Variants in KIAA1958 observed in about 807,000 individuals in gnomAD.
KIAA1958 encodes the protein KIAA1958.
Under a neutral mutation model 47.2 loss-of-function variants are expected in KIAA1958, and 14 were observed. The observed-to-expected ratio is 0.30, with a 90% CI of 0.20 to 0.46. The LOEUF is 0.46. Among genes scored for constraint, KIAA1958 ranks in the 20% least tolerant of loss-of-function variants. KIAA1958 has a pLI of 1.00. For missense variants in KIAA1958, 803 were observed against 909.2 expected (o/e 0.88, Z 1.50); for synonymous variants, 354 against 353.3 (o/e 1.00, Z -0.02).
At chr9:112,492,935 T>TTTTA (rs1164374648) in intron 1 of KIAA1958, among the ~76,000 whole-genome samples, 2 of 149,522 alleles carry the variant, frequency 1.3e-5, no homozygotes, top group Non-Finnish European at 3.0e-5. Context: ...TTTTTTTTTT[T>TTTTA]TGTAGAGATG....
intron 2 of KIAA1958, among the ~76,000 whole-genome samples, chr9:112,578,184 C>G (rs1022987883): frequency 6.6e-6 from 1 of 152,028 alleles, no homozygotes; most frequent in African/African-American, 2.4e-5. Flanking sequence ...ATAAAATTTA[C>G]TTTTTACTTT....
chr9:112,598,277 G>A (rs538645581), intron 2 of KIAA1958, among the ~76,000 whole-genome samples: 2 of 152,284 alleles, frequency 1.3e-5, no homozygotes, highest in African/African-American at 4.8e-5. Flanking sequence ...CTTGCATTGA[G>A]GCCACTGTCG....
intron 3 of KIAA1958, among the ~76,000 whole-genome samples, chr9:112,656,877 C>G (rs1356760467): frequency 6.6e-6 from 1 of 151,874 alleles, no homozygotes; most frequent in African/African-American, 2.4e-5. Flanking sequence ...ATGTGATGTT[C>G]TTTCATATTC....
intron 2 of KIAA1958, among the ~76,000 whole-genome samples, chr9:112,611,205 T>C (rs1836321466): frequency 6.6e-6 from 1 of 152,124 alleles, no homozygotes; most frequent in African/African-American, 2.4e-5. Flanking sequence ...TTTTTTAACA[T>C]GTTCTAGAGG....
Position 112,663,683 on chromosome 9 carries a change from A to AT in KIAA1958, c.*3618dup, listed in dbSNP as rs1397880682. ...TTGTTTAGTGTGTTTGCAAAAAGGAATTTTATGGAAGTACCTAACCAAAGC... is the reference window on the plus strand; with the variant it reads ...TTGTTTAGTGTGTTTGCAAAAAGGAATTTTTATGGAAGTACCTAACCAAAGC... On this transcript the variant is annotated 3_prime_UTR_variant, in exon 4 of 4. Transcript: ENST00000337530. The AT allele has an allele frequency of 6.6e-6, 1 of 152,200 alleles. No individual in the cohort carries two copies. The highest frequency in any genetic ancestry group is 1.5e-5 in the Non-Finnish European group (1 of 68,030). The allele number at this position is 152,200 out of a possible 1,614,324, so 9.4% of individuals were successfully genotyped here. A position where few individuals can be genotyped will look rare whatever the true frequency, so the allele number is the denominator to read the frequency against.
chr9:112,569,272 C>G (rs1349678923), intron 1 of KIAA1958, among the ~76,000 whole-genome samples: 1 of 152,154 alleles, frequency 6.6e-6, no homozygotes, highest in Non-Finnish European at 1.5e-5. Context: ...GAAATTCATT[C>G]TACATGTACT....
intron 1 of KIAA1958, among the ~76,000 whole-genome samples, chr9:112,515,021 G>A (rs1587996693): frequency 4.8e-5 from 5 of 104,284 alleles, no homozygotes; most frequent in Admixed American, 1.7e-4. Context: ...CGCCCCGTCC[G>A]GGAGGGAGGT....
chr9:112,508,196 G>A (rs1416839612), intron 1 of KIAA1958, among the ~76,000 whole-genome samples: 1 of 152,020 alleles, frequency 6.6e-6, no homozygotes, highest in Non-Finnish European at 1.5e-5. Flanking sequence ...AGCTTCCAGG[G>A]AAAATTTACT....
intron 2 of KIAA1958, among the ~76,000 whole-genome samples, chr9:112,637,314 C>T (rs2798311): frequency 0.065 from 9,865 of 152,156 alleles, 408 homozygotes; most frequent in Middle Eastern, 0.12. Flanking sequence ...TATTTTTTAG[C>T]GCTTGACTGC....
intron 1 of KIAA1958, among the ~76,000 whole-genome samples, chr9:112,525,936 C>G: frequency 1.4e-4 from 1 of 7,294 alleles, no homozygotes; most frequent in Non-Finnish European, 2.0e-4. Context: ...TCTTCTTCTT[C>G]TTCTTCTTCT....
rs557214148 is a variant in KIAA1958 at position 112,582,597 on chromosome 9, G to A, written c.1171+7346G>A. The A allele has an allele frequency of 3.7e-4, 58 of 155,216 alleles. No homozygotes were observed. The South Asian group carries it at 5.3e-3, about 14-fold the overall frequency. 9.6% of individuals were successfully genotyped at this position (155,216 alleles called of 1,614,324 possible). A position where few individuals can be genotyped will look rare whatever the true frequency, so the allele number is the denominator to read the frequency against. On this transcript the variant is annotated intron_variant, in intron 2 of 3. Transcript: ENST00000337530. ...CGCCATCCACACGTGGGATCTAGAGGACAAAGGACTATATTAGGCAAGTGA... is the reference window on the plus strand; with the variant it reads ...CGCCATCCACACGTGGGATCTAGAGAACAAAGGACTATATTAGGCAAGTGA...
rs1282410197 is a variant in KIAA1958, at chr9:112,659,673, G to A, written c.1755G>A (p.Leu585=). The A allele has an allele frequency of 6.2e-7, 1 of 1,614,162 alleles. No individual in the cohort carries two copies. The highest frequency in any genetic ancestry group is 2.2e-5 in the East Asian group (1 of 44,880). Residue 585 remains leucine, a synonymous_variant, in exon 4 of 4, where the codon CTG becomes CTA. Transcript: ENST00000337530. The part of the protein sequence containing the change: ...HADLMYGDIE[L]LKDPQNQPYF... The stretch of plus-strand genomic sequence containing the variant: ...ATCTGATGTATGGTGACATCGAGCT[G>A]CTCAAAGACCCCCAAAACCAGCCCT...
At chr9:112,615,917 T>C (rs1836402142) in intron 2 of KIAA1958, among the ~76,000 whole-genome samples, 1 of 152,222 alleles carries the variant, frequency 6.6e-6, no homozygotes, top group Non-Finnish European at 1.5e-5. Flanking sequence ...AAAGATCCCA[T>C]GTGAAAGTTG....
intron 1 of KIAA1958, among the ~76,000 whole-genome samples, chr9:112,555,285 G>A (rs1835221147): frequency 6.6e-6 from 1 of 152,170 alleles, no homozygotes; most frequent in African/African-American, 2.4e-5. Context: ...CTCATTAAGA[G>A]TGAGTGTCAT....
chr9:112,603,615 A>C (rs537469704), intron 2 of KIAA1958, among the ~76,000 whole-genome samples: 1 of 152,320 alleles, frequency 6.6e-6, no homozygotes, highest in South Asian at 2.1e-4. Context: ...CCTAGAGCCC[A>C]CACCATAAAC....
intron 1 of KIAA1958, among the ~76,000 whole-genome samples, chr9:112,502,707 G>A (rs934892634): frequency 1.1e-4 from 16 of 152,312 alleles, no homozygotes; most frequent in African/African-American, 3.6e-4. Context: ...ACCCCACACC[G>A]TTTGTTGTCT....
At chr9:112,521,726 G>A (rs186674489) in intron 1 of KIAA1958, among the ~76,000 whole-genome samples, 3 of 151,734 alleles carry the variant, frequency 2.0e-5, no homozygotes, top group African/African-American at 7.2e-5. Context: ...TTCTGTATTT[G>A]AAAAAATACA....
chr9:112,578,020 G>A (rs1265916480), intron 2 of KIAA1958, among the ~76,000 whole-genome samples: 1 of 151,884 alleles, frequency 6.6e-6, no homozygotes, highest in Non-Finnish European at 1.5e-5. Context: ...TTCCAAGGAT[G>A]GTCCTCATAT....
Position 112,543,345 on chromosome 9 carries a change from G to A in KIAA1958, c.-24-30712G>A, listed in dbSNP as rs116173426. ...AAATATTTGGACTTAACATTTTATGGGCACTCAGAAGTAACCATCAACTTC... is the reference window on the plus strand; with the variant it reads ...AAATATTTGGACTTAACATTTTATGAGCACTCAGAAGTAACCATCAACTTC... On this transcript the variant is annotated intron_variant, in intron 1 of 3. Coordinates refer to ENST00000337530, the MANE Select transcript of KIAA1958 (RefSeq NM_133465.4). Among the ~76,000 whole-genome samples, 1,007 of 152,038 alleles carry A rather than the reference G, an allele frequency of 6.6e-3. 15 individuals are homozygous for A. Among genetic ancestry groups the A allele is most frequent in the African/African-American group, 0.023 (964 of 41,442 alleles).
Sources: allele counts gnomAD v4.1 joint callset (sites outside exome capture counted in the v4.1 genomes callset), GRCh38; gene constraint gnomAD v4.1.1; transcripts MANE v1.5; gene names NCBI Gene and HGNC (gene_info 2026-07-23, HGNC 2026-07-21).